Variants in PRKACA observed in about 807,000 individuals in gnomAD.
The protein encoded by PRKACA is cAMP-dependent protein kinase catalytic subunit alpha.
In PRKACA, 9 loss-of-function variants were observed where a neutral mutation model predicts 45.8. That is an observed-to-expected ratio of 0.20 (90% CI 0.12 to 0.34). PRKACA has a LOEUF of 0.34. Among genes scored for constraint, PRKACA ranks in the 10% least tolerant of loss-of-function variants. PRKACA has a pLI of 1.00. For missense variants in PRKACA, 238 were observed against 458.6 expected (o/e 0.52, Z 4.39); for synonymous variants, 160 against 178.6 (o/e 0.90, Z 0.83).
In PRKACA at chr19:14,114,171, T is replaced by G; in HGVS notation, c.46+3331A>C. The G allele has an allele frequency of 2.5e-6, 4 of 1,610,466 alleles. No individual in the cohort carries two copies. In the South Asian group the frequency reaches 4.4e-5, roughly 18 times the overall value. On this transcript the variant is annotated intron_variant, in intron 1 of 9. Coordinates refer to ENST00000308677, the MANE Select transcript of PRKACA (RefSeq NM_002730.4). The stretch of plus-strand genomic sequence containing the variant: ...TGGAAGCCATCACTCAGTCCTGTTC[T>G]CAGGGCACCGGCACTACGGTGGCTG...
chr19:14,093,138 A>C lies in PRKACA; in HGVS notation c.1030T>G (p.Cys344Gly). The change falls in exon 10 of 10, where the codon TGT (cysteine) becomes GGT (glycine). Residue 344 changes from cysteine (C) to glycine (G), a missense_variant. Physicochemically the swap from Cys to Gly is radical, Grantham distance 159 (BLOSUM62 -3). This residue lies in a region of PRKACA where 51 missense variants were observed against 68.6 expected (regional missense o/e 0.74). Transcript: ENST00000308677. ...EEIRVSINEKCGKEFSEF is the reference protein window; with the variant it reads ...EEIRVSINEKGGKEFSEF Reference sequence around the variant, plus strand: ...TAAAACTCAGAAAACTCCTTGCCACACTTCTCATTGATGGAGACCCGGATT... The same window carrying C: ...TAAAACTCAGAAAACTCCTTGCCACCCTTCTCATTGATGGAGACCCGGATT... 3 of 1,610,704 alleles carry C rather than the reference A, an allele frequency of 1.9e-6. No homozygotes were observed. In the Middle Eastern group the frequency reaches 5.0e-4, roughly 266 times the overall value.
chr19:14,097,502 G>T lies in PRKACA; in HGVS notation c.643-19C>A. Reference sequence around the variant, plus strand: ...TGTAGCCCTGGAGCAAGATGGGGGGGCACAGGGTGAGGAGGAGGCGAGAGC... The same window carrying T: ...TGTAGCCCTGGAGCAAGATGGGGGGTCACAGGGTGAGGAGGAGGCGAGAGC... On this transcript the variant is annotated intron_variant, in intron 7 of 9. Coordinates refer to ENST00000308677, the MANE Select transcript of PRKACA (RefSeq NM_002730.4). This position sits in a 1 kb window ranked among gnomAD's most constrained non-coding sequence, Gnocchi z 5.4. The T allele has an allele frequency of 1.2e-6, 2 of 1,614,024 alleles. No homozygotes were observed. The highest frequency in any genetic ancestry group is 1.7e-6 in the Non-Finnish European group (2 of 1,179,948).
intron 1 of PRKACA, among the ~76,000 whole-genome samples, chr19:14,115,458 G>C (rs544466825): frequency 6.6e-6 from 1 of 152,190 alleles, no homozygotes; most frequent in East Asian, 1.9e-4. Flanking sequence ...TCCTGCCTCT[G>C]TGACATCATC....
Position 14,104,001 on chromosome 19 carries a change from C to A in PRKACA, c.238-1087G>T, listed in dbSNP as rs138898082. ...AGGTGGGAGGATCATTTGAGCCCAA[C>A]TGCACTTCAGCCTGGGCAACAGAGC... On this transcript the variant is annotated intron_variant, in intron 3 of 9. Coordinates refer to ENST00000308677, the MANE Select transcript of PRKACA (RefSeq NM_002730.4). 9.2e-5 allele frequency among the ~76,000 whole-genome samples: 14 copies of A among 152,160 alleles called. No individual in the cohort carries two copies. The East Asian group carries it at 2.3e-3, about 25-fold the overall frequency.
intron 8 of PRKACA, among the ~76,000 whole-genome samples, chr19:14,096,032 GTTTTT>G (rs60082323): frequency 2.2e-5 from 2 of 92,584 alleles, no homozygotes; most frequent in African/African-American, 9.0e-5. Flanking sequence ...CTAATTTTTA[GTTTTT>G]TTTTTTTTTT....
At chr19:14,102,502 C>T (rs1013278098) in intron 4 of PRKACA, among the ~76,000 whole-genome samples, 6 of 152,176 alleles carry the variant, frequency 3.9e-5, no homozygotes, top group African/African-American at 1.2e-4. Context: ...AAATGAACCC[C>T]GGCTGCCTGG....
At chr19:14,109,653 A>G (rs1977715178) in intron 1 of PRKACA, among the ~76,000 whole-genome samples, 2 of 148,352 alleles carry the variant, frequency 1.3e-5, no homozygotes, top group African/African-American at 5.0e-5. Context: ...AAATATGGGG[A>G]GCGATCGGGC....
chr19:14,105,795 C>T (rs935776397), intron 3 of PRKACA, among the ~76,000 whole-genome samples: 2 of 152,138 alleles, frequency 1.3e-5, no homozygotes, highest in African/African-American at 4.8e-5. Flanking sequence ...TTCTGTGGCT[C>T]AGGTTACATT....
chr19:14,101,482 C>T (rs1329639675), intron 4 of PRKACA, among the ~76,000 whole-genome samples: 1 of 152,120 alleles, frequency 6.6e-6, no homozygotes, highest in Non-Finnish European at 1.5e-5. Context: ...GGGAGGATTG[C>T]TTGAGCCTGG....
chr19:14,109,993 T>C (rs1191747456), intron 1 of PRKACA, among the ~76,000 whole-genome samples: 122 of 78,904 alleles, frequency 1.5e-3, no homozygotes, highest in African/African-American at 7.0e-3. Flanking sequence ...TATATATATA[T>C]ATATATACAC....
rs1977481888 is a variant in PRKACA at position 14,102,787 on chromosome 19, C to T, written c.336+29G>A. 16 of 1,579,100 alleles carry T rather than the reference C, an allele frequency of 1.0e-5. No individual in the cohort carries two copies. In the East Asian group the frequency reaches 3.4e-4, roughly 33 times the overall value. ...AGAAGGCTGGGACCCAATGCAGTGA[C>T]CCCCCGCCCTTGGCCACTGGGACCC... On this transcript the variant is annotated intron_variant, in intron 4 of 9. Coordinates refer to ENST00000308677, the MANE Select transcript of PRKACA (RefSeq NM_002730.4).
chr19:14,102,928 G>A lies in PRKACA; in HGVS notation c.238-14C>T, dbSNP rs759640534. 4 of 1,603,784 alleles carry A rather than the reference G, an allele frequency of 2.5e-6. No homozygotes were observed. The highest frequency in any genetic ancestry group is 2.7e-5 in the African/African-American group (2 of 74,694). On this transcript the variant is annotated splice_polypyrimidine_tract_variant and intron_variant, in intron 3 of 9. Transcript: ENST00000308677. Reference sequence around the variant, plus strand: ...CAGTTTCACCACCTGGGAAGGGAAGGAGGGGAGGGCAGAAAGGAGGGGGAG... The same window carrying A: ...CAGTTTCACCACCTGGGAAGGGAAGAAGGGGAGGGCAGAAAGGAGGGGGAG...
Position 14,107,584 on chromosome 19 carries a change from C to A in PRKACA, c.47-175G>T, listed in dbSNP as rs28730846. The A allele has an allele frequency of 3.8e-4, 495 of 1,299,640 alleles. 4 individuals are homozygous for A. In the African/African-American group the frequency reaches 6.5e-3, roughly 17 times the overall value. 80.5% of individuals were successfully genotyped at this position (1,299,640 alleles called of 1,614,324 possible). The stretch of plus-strand genomic sequence containing the variant: ...GCCGTGGCCTGGGCCTCCCTTGCTA[C>A]AGAGAGGTGGGATCCAGCTGCCACT... On this transcript the variant is annotated intron_variant, in intron 1 of 9. Coordinates refer to ENST00000308677, the MANE Select transcript of PRKACA (RefSeq NM_002730.4).
At chr19:14,108,951 C>G (rs1435473234) in intron 1 of PRKACA, among the ~76,000 whole-genome samples, 1 of 149,756 alleles carries the variant, frequency 6.7e-6, no homozygotes, top group Non-Finnish European at 1.5e-5. Context: ...TGGTCTCGAA[C>G]TCCTGACCTC....
intron 8 of PRKACA, chr19:14,096,706 G>A (rs148757574): frequency 3.1e-5 from 5 of 161,660 alleles, no homozygotes; most frequent in East Asian, 1.8e-4. Context: ...GATTGCCTAC[G>A]GTGATTACCT....
chr19:14,114,286 C>T (rs1459979033), intron 1 of PRKACA: 2 of 1,333,278 alleles, frequency 1.5e-6, no homozygotes, highest in African/African-American at 1.5e-5. Context: ...GGGGTGGGAG[C>T]AGGAAGAGAA....
chr19:14,109,999 T>TACACAC (rs764855462), intron 1 of PRKACA, among the ~76,000 whole-genome samples: 8 of 55,474 alleles, frequency 1.4e-4, no homozygotes, highest in South Asian at 1.6e-3. Context: ...TATATATATA[T>TACACAC]ACACACACAC....
intron 1 of PRKACA, among the ~76,000 whole-genome samples, chr19:14,110,761 G>A (rs1373171672): frequency 1.3e-5 from 2 of 152,122 alleles, no homozygotes; most frequent in Admixed American, 6.6e-5. Context: ...TGTGGGGTGG[G>A]AGCTGCTGTT....
rs368124083 is a variant in PRKACA at position 14,117,492 on chromosome 19, G to A, written c.46+10C>T. ...AGGGCCAAGATCGGGGTCACAGCCC[G>A]GGCACTCACCGCTCTCCTGCTCGCT... On this transcript the variant is annotated intron_variant, in intron 1 of 9. Coordinates refer to ENST00000308677, the MANE Select transcript of PRKACA (RefSeq NM_002730.4). 45 of 1,250,908 alleles carry A rather than the reference G, an allele frequency of 3.6e-5. No individual in the cohort carries two copies. The African/African-American group carries it at 6.1e-4, about 17-fold the overall frequency. 77.5% of individuals were successfully genotyped at this position (1,250,908 alleles called of 1,614,324 possible).
Sources: allele counts gnomAD v4.1 joint callset (sites outside exome capture counted in the v4.1 genomes callset), GRCh38; gene constraint gnomAD v4.1.1; regional missense constraint gnomAD v4.1.1; non-coding constraint Gnocchi (gnomAD v3.1); transcripts MANE v1.5; gene names NCBI Gene and HGNC (gene_info 2026-07-23, HGNC 2026-07-21).